ADAR: variants seen among roughly 807,000 people sequenced by gnomAD.
ADAR encodes the protein adenosine deaminase RNA specific.
Under a neutral mutation model 113.2 loss-of-function variants are expected in ADAR, and 41 were observed. The observed-to-expected ratio is 0.36, with a 90% confidence interval of 0.28 to 0.47. The LOEUF (loss-of-function observed/expected upper bound fraction) is 0.47. ADAR is among the 20% of genes least tolerant of loss of function. The pLI, the probability that ADAR is intolerant of heterozygous loss-of-function variation, is 1.00. For synonymous variants in ADAR, 605 were observed against 572.6 expected (o/e 1.06, Z -0.81); for missense variants, 1,242 against 1,540.9 (o/e 0.81, Z 3.25).
intron 10 of ADAR, 117 bp downstream of exon 10, chr1:154,588,434 C>T (rs1696907523): frequency 6.5e-7 from 1 of 1,529,220 alleles, no homozygotes; most frequent in Non-Finnish European, 9.0e-7. Context: ...ACCTCAAACC[C>T]ACAGTGGAGT....
chr1:154,619,021 G>A (rs1240858071), intron 1 of ADAR, among the ~76,000 whole-genome samples: 1 of 152,118 alleles, frequency 6.6e-6, no homozygotes, highest in African/African-American at 2.4e-5. Flanking sequence ...GAGGCAGGAG[G>A]ATCGCTTGAA....
chr1:154,601,433 CATGTT>C lies in ADAR; in HGVS notation c.1204_1208del (p.Asn402GlyfsTer45). The C allele has an allele frequency of 6.2e-7, 1 of 1,614,174 alleles. No individual in the cohort carries two copies. Among genetic ancestry groups the C allele is most frequent in the Non-Finnish European group, 8.5e-7 (1 of 1,180,036 alleles). ...CATTCTCCACTTTTTCTGTGGTTAC[CATGTT>C]ATTTGAGGCATTTGATGTGGGTATA... On this transcript the variant is annotated frameshift_variant, in exon 2 of 15. Transcript: ENST00000368474. LOFTEE classifies it high-confidence loss of function. This position sits in a 1 kb window ranked among gnomAD's most constrained non-coding sequence, Gnocchi z 4.7.
chr1:154,590,219 G>A lies in ADAR; in HGVS notation c.2461C>T (p.Leu821Phe). 1 of 1,613,426 alleles carries A rather than the reference G, an allele frequency of 6.2e-7. No individual in the cohort carries two copies. Among genetic ancestry groups the A allele is most frequent in the Non-Finnish European group, 8.5e-7 (1 of 1,179,922 alleles). The change falls in exon 7 of 15, where the codon CTC (leucine) becomes TTC (phenylalanine). Residue 821 changes from leucine to phenylalanine, a missense_variant. Around this residue, in one of 2 missense-constraint regions of ADAR, gnomAD observed 780 missense variants for 1,057.9 expected, o/e 0.74. Transcript: ENST00000368474. Reference protein sequence around the residue: ...TGASLRRTMLLLSRSPEAQPK... With the variant: ...TGASLRRTMLFLSRSPEAQPK... The stretch of plus-strand genomic sequence containing the variant: ...TGTGCTTCTGGGGACCTTGAGAGGA[G>A]GAGCATAGTTCTTCTGAGACTGGCC...
At chr1:154,596,677 AGG>A (rs1368634047) in intron 6 of ADAR, 126 bp downstream of exon 6, 22 of 1,006,116 alleles carry the variant, frequency 2.2e-5, no homozygotes, top group Non-Finnish European at 3.3e-5. Context: ...CCGTGGAGAC[AGG>A]GCTGGACTTG....
At chr1:154,610,087 CAT>C (rs1242888879), upstream of ADAR, among the ~76,000 whole-genome samples, 1 of 152,190 alleles carries the variant, frequency 6.6e-6, no homozygotes, top group East Asian at 1.9e-4. Flanking sequence ...AACCCCATCA[CAT>C]CAGAGAAATG....
rs1696742848 is a variant in ADAR, at chr1:154,586,118, G to T, written c.3202+63C>A. 3 of 1,590,842 alleles carry T rather than the reference G, an allele frequency of 1.9e-6. No homozygotes were observed. The South Asian group carries it at 3.3e-5, about 18-fold the overall frequency. On this transcript the variant is annotated intron_variant, in intron 12 of 14. Coordinates refer to ENST00000368474, the MANE Select transcript of ADAR (RefSeq NM_001111.5). ...GACAAAACACCTGGCAATAAAGCAT[G>T]CAGTTTGGGATCTGGGCACAAGAAG...
chr1:154,617,134 C>A (rs1698654336), intron 1 of ADAR, among the ~76,000 whole-genome samples: 1 of 152,206 alleles, frequency 6.6e-6, no homozygotes, highest in Non-Finnish European at 1.5e-5. Context: ...AGCGTCCTGT[C>A]CTGCTTGTTG....
rs1220855795 is a variant in ADAR, at chr1:154,625,922, T to C, written c.-871+1933A>G. On this transcript the variant is annotated intron_variant, in intron 1 of 14. Coordinates refer to the ADAR transcript ENST00000368471. ...GGGAGGCTGAGGAGGGAGACTCACTTGAACCCGGGAGGTAGAGTTTGCAGT... is the reference window on the plus strand; with the variant it reads ...GGGAGGCTGAGGAGGGAGACTCACTCGAACCCGGGAGGTAGAGTTTGCAGT... Among the ~76,000 whole-genome samples, 6 of 150,720 alleles carry C rather than the reference T, an allele frequency of 4.0e-5. No homozygotes were observed. In the South Asian group the frequency reaches 1.3e-3, roughly 32 times the overall value.
At chr1:154,603,933 C>T (rs571116611) in intron 1 of ADAR, among the ~76,000 whole-genome samples, 1 of 152,170 alleles carries the variant, frequency 6.6e-6, no homozygotes, top group Admixed American at 6.5e-5. Context: ...CAATCACTCT[C>T]ATGGTGTCCT....
intron 7 of ADAR, 49 bp from the exon 8 acceptor site, chr1:154,589,977 C>T (rs377696698): frequency 2.5e-6 from 4 of 1,607,786 alleles, no homozygotes; most frequent in Middle Eastern, 3.5e-4. Flanking sequence ...AGGCTGTGTC[C>T]ACCATATTCA....
chr1:154,611,182 C>T (rs1311321054), upstream of ADAR, among the ~76,000 whole-genome samples: 3 of 152,120 alleles, frequency 2.0e-5, no homozygotes, highest in African/African-American at 7.2e-5. Context: ...AAAGCCTTTA[C>T]CCTTCTTCAG....
exon 1 of ADAR, chr1:154,627,914 A>ACCCCCCCCCCCCCCCCCCCCCCCC: frequency 1.1e-5 from 5 of 463,310 alleles, no homozygotes; most frequent in Middle Eastern, 3.7e-4. Flanking sequence ...TGCGGCCGCG[A>ACCCCCCCCCCCCCCCCCCCCCCCC]CCCTCCCCCC....
intron 6 of ADAR, 58 bp downstream of exon 6, chr1:154,596,747 G>A: frequency 1.3e-6 from 2 of 1,596,636 alleles, no homozygotes. Context: ...TGTTTTCCCT[G>A]GGTTACAGAC....
At chr1:154,590,138 A>AGGGGGGGGG in intron 7 of ADAR, 46 bp downstream of exon 7, 7 of 1,173,744 alleles carry the variant, frequency 6.0e-6, no homozygotes, top group Non-Finnish European at 6.2e-6. Flanking sequence ...AGGAGTTAGG[A>AGGGGGGGGG]GGACCCCCCC....
intron 1 of ADAR, among the ~76,000 whole-genome samples, chr1:154,613,640 C>T (rs1214930142): frequency 2.0e-5 from 3 of 152,082 alleles, no homozygotes. Context: ...CGCGGTGGCT[C>T]ATGCCTGTAA....
At chr1:154,593,161 AAAG>A (rs1697270781) in intron 6 of ADAR, among the ~76,000 whole-genome samples, 2 of 150,696 alleles carry the variant, frequency 1.3e-5, no homozygotes, top group Non-Finnish European at 3.0e-5. Context: ...AAAAAACAGA[AAAG>A]AAGTCATAAA....
chr1:154,605,353 A>G (rs1010414410), intron 1 of ADAR, among the ~76,000 whole-genome samples: 2 of 151,676 alleles, frequency 1.3e-5, no homozygotes, highest in African/African-American at 4.8e-5. Flanking sequence ...CACCTTCTTC[A>G]GCCCTTGGGG....
Position 154,602,603 on chromosome 1 carries a change from G to A in ADAR, c.39C>T (p.Tyr13=). 6.2e-7 allele frequency: 1 copy of A among 1,614,136 alleles called. No homozygotes were observed. The highest frequency in any genetic ancestry group is 1.1e-5 in the South Asian group (1 of 91,088). Residue 13 remains tyrosine (Y), a synonymous_variant, in exon 2 of 15, where the codon TAC becomes TAT. Transcript: ENST00000368474. ...PRQGYSLSGY[Y]THPFQGYEHR... ...GCTCATAGCCTTGAAATGGATGGGT[G>A]TAGTATCCGCTGAGGGAATACCCCT...
At chr1:154,626,593 T>C (rs1046389122) in intron 1 of ADAR, among the ~76,000 whole-genome samples, 3 of 152,212 alleles carry the variant, frequency 2.0e-5, no homozygotes, top group South Asian at 2.1e-4. Context: ...GCTGTACCAA[T>C]AGGAAACCTT....
Sources: allele counts gnomAD v4.1 joint callset (sites outside exome capture counted in the v4.1 genomes callset), GRCh38; gene constraint gnomAD v4.1.1; regional missense constraint gnomAD v4.1.1; non-coding constraint Gnocchi (gnomAD v3.1); transcripts MANE v1.5; gene names NCBI Gene and HGNC (gene_info 2026-07-23, HGNC 2026-07-21).